The following SHISA9 variants were observed in gnomAD, a reference collection of about 807,000 sequenced individuals.
SHISA9 encodes the protein shisa family member 9.
A neutral mutation model predicts 38.0 loss-of-function variants in SHISA9; 13 were observed. The ratio of observed to expected loss-of-function variants is 0.34; its 90% confidence interval spans 0.22 to 0.54. The LOEUF (loss-of-function observed/expected upper bound fraction) is 0.54, where lower values mean the gene tolerates loss of function less well. SHISA9 is among the 20% of genes least tolerant of loss of function. The pLI, the probability that SHISA9 is intolerant of heterozygous loss-of-function variation, is 0.91. For missense variants in SHISA9, 538 were observed against 575.8 expected (o/e 0.93, Z 0.67); for synonymous variants, 275 against 242.0 (o/e 1.14, Z -1.27).
Position 12,902,523 on chromosome 16 carries a change from C to T in SHISA9, c.459C>T (p.Ile153=). The T allele has an allele frequency of 5.8e-6, 9 of 1,551,508 alleles. No individual in the cohort carries two copies. The highest frequency in any genetic ancestry group is 7.8e-6 in the Non-Finnish European group (9 of 1,146,988). The part of the protein sequence containing the change: ...HDPTKDKTNL[I]VYIICGVVAV... ...CCACCAAGGACAAGACCAACCTGAT[C>T]GTCTACATCATCTGCGGGGTGGTGG... is the stretch of plus-strand genomic sequence containing the variant. Residue 153 remains isoleucine (I), a synonymous_variant, in exon 1 of 5, where the codon ATC becomes ATT. Coordinates refer to ENST00000558583, the MANE Select transcript of SHISA9 (RefSeq NM_001145204.3).
At chr16:13,512,969 A>G in the SHISA9 span, among the ~76,000 whole-genome samples, 1 of 152,320 alleles carries the variant, frequency 6.6e-6, no homozygotes, top group African/African-American at 2.4e-5. Flanking sequence ...CATAATGAAA[A>G]CACCAAAAGC....
chr16:12,941,304 T>G (rs943394688), intron 2 of SHISA9, among the ~76,000 whole-genome samples: 32 of 152,198 alleles, frequency 2.1e-4, no homozygotes, highest in African/African-American at 6.8e-4. Context: ...TAAGCCAAGA[T>G]CATGCCACTG....
intron 2 of SHISA9, among the ~76,000 whole-genome samples, chr16:12,924,269 G>A (rs1161512459): frequency 6.6e-6 from 1 of 152,060 alleles, no homozygotes; most frequent in Non-Finnish European, 1.5e-5. Context: ...GGGTGGGCAG[G>A]GATGCATTTG....
At chr16:13,077,953 A>G (rs1009193427) in intron 2 of SHISA9, among the ~76,000 whole-genome samples, 3 of 152,210 alleles carry the variant, frequency 2.0e-5, no homozygotes, top group Non-Finnish European at 2.9e-5. Context: ...AATATGGCAA[A>G]CAAGTAAAAA....
At position 13,239,203 on chromosome 16, in the gene SHISA9, A is replaced by G. The variant is rs999311114; in HGVS notation, c.*3794A>G. 1 of 151,680 alleles carries G rather than the reference A, an allele frequency of 6.6e-6. No individual in the cohort carries two copies. The highest frequency in any genetic ancestry group is 2.4e-5 in the African/African-American group (1 of 41,240). 9.4% of individuals were successfully genotyped at this position (151,680 alleles called of 1,614,324 possible). On this transcript the variant is annotated 3_prime_UTR_variant, in exon 5 of 5. Coordinates refer to ENST00000558583, the MANE Select transcript of SHISA9 (RefSeq NM_001145204.3). ...ATGGCTGCATAGTATTCCATGGTGT[A>G]TATGTGCCACATTTTCTTAATCCAG...
At chr16:13,506,997 T>C in the SHISA9 span, among the ~76,000 whole-genome samples, 3 of 151,968 alleles carry the variant, frequency 2.0e-5, no homozygotes, top group Non-Finnish European at 2.9e-5. Context: ...GAGCTATGAT[T>C]GTACCACTGC....
At chr16:13,255,427 T>C in the SHISA9 span, among the ~76,000 whole-genome samples, 1 of 152,230 alleles carries the variant, frequency 6.6e-6, no homozygotes, top group Non-Finnish European at 1.5e-5. Flanking sequence ...GTGTGTGTCT[T>C]TCTCTTTCAT....
the SHISA9 span, among the ~76,000 whole-genome samples, chr16:13,381,114 T>A: frequency 2.0e-5 from 3 of 152,020 alleles, no homozygotes; most frequent in African/African-American, 7.2e-5. Flanking sequence ...ATAGAAATAA[T>A]AAGTTTTCTA....
Position 12,942,574 on chromosome 16 carries a change from C to T in SHISA9, c.691+25759C>T, listed in dbSNP as rs555889705. Reference sequence around the variant, plus strand: ...GCATCCTCCATATCTCCCAGTAGTTCCTTGTATAATGCCTATTGTGCTTTG... The same window carrying T: ...GCATCCTCCATATCTCCCAGTAGTTTCTTGTATAATGCCTATTGTGCTTTG... On this transcript the variant is annotated intron_variant, in intron 2 of 4. Coordinates refer to ENST00000558583, the MANE Select transcript of SHISA9 (RefSeq NM_001145204.3). Among the ~76,000 whole-genome samples, 3 of 152,328 alleles carry T rather than the reference C, an allele frequency of 2.0e-5. No individual in the cohort carries two copies. In the South Asian group the frequency reaches 6.2e-4, roughly 32 times the overall value.
At chr16:13,156,535 C>T (rs2050548693) in intron 2 of SHISA9, among the ~76,000 whole-genome samples, 2 of 151,932 alleles carry the variant, frequency 1.3e-5, no homozygotes, top group Non-Finnish European at 2.9e-5. Flanking sequence ...GAGATCGAGA[C>T]CATCTTGGCT....
intron 2 of SHISA9, among the ~76,000 whole-genome samples, chr16:13,113,755 A>G (rs549044442): frequency 6.6e-6 from 1 of 152,282 alleles, no homozygotes; most frequent in African/African-American, 2.4e-5. Flanking sequence ...CTTGGCACCC[A>G]TGGAGGAGAA....
chr16:13,230,110 G>A (rs1052968245), intron 4 of SHISA9, among the ~76,000 whole-genome samples: 2 of 152,194 alleles, frequency 1.3e-5, no homozygotes, highest in Non-Finnish European at 2.9e-5. Flanking sequence ...GGTGGAAGAA[G>A]GAAAGAGAGG....
At chr16:13,068,916 G>A (rs1312456677) in intron 2 of SHISA9, among the ~76,000 whole-genome samples, 2 of 152,080 alleles carry the variant, frequency 1.3e-5, no homozygotes, top group African/African-American at 4.8e-5. Flanking sequence ...GTGTGTATGT[G>A]TATACGTGTG....
the SHISA9 span, among the ~76,000 whole-genome samples, chr16:13,484,193 C>G: frequency 6.6e-6 from 1 of 152,140 alleles, no homozygotes; most frequent in Admixed American, 6.5e-5. Context: ...GTCACAGAAG[C>G]CTTCCATGTT....
At chr16:13,178,132 T>G (rs1240132995) in intron 2 of SHISA9, among the ~76,000 whole-genome samples, 2 of 152,210 alleles carry the variant, frequency 1.3e-5, no homozygotes, top group Non-Finnish European at 2.9e-5. Context: ...AGAACACTTG[T>G]GGGCACAGAC....
the SHISA9 span, among the ~76,000 whole-genome samples, chr16:13,330,898 C>T: frequency 1.3e-5 from 2 of 152,150 alleles, no homozygotes; most frequent in African/African-American, 4.8e-5. Flanking sequence ...TATCACTGTA[C>T]AGGTGTACAG....
In SHISA9 at chr16:13,100,796, C is replaced by T. The variant is rs1454629164; in HGVS notation, c.692-102598C>T. 2.6e-5 allele frequency among the ~76,000 whole-genome samples: 4 copies of T among 152,268 alleles called. 1 individual carries two copies. The South Asian group carries it at 8.3e-4, about 32-fold the overall frequency. ...GATCTTGGTTCACTGCAACCTCTGC[C>T]TCTCCGGTTCAAGGGATTCTCCTGC... On this transcript the variant is annotated intron_variant, in intron 2 of 4. Transcript: ENST00000558583.
chr16:12,902,542 G>C lies in SHISA9; in HGVS notation c.478G>C (p.Val160Leu). The change falls in exon 1 of 5, where the codon GTG (valine) becomes CTG (leucine). Residue 160 changes from valine to leucine, a missense_variant. Around this residue, in one of 4 missense-constraint regions of SHISA9, gnomAD observed 88 missense variants for 109.7 expected, o/e 0.80. Transcript: ENST00000558583. ...CCTGATCGTCTACATCATCTGCGGG[G>C]TGGTGGCCGTCATGGTGCTCGTGGG... ...TNLIVYIICGVVAVMVLVGIF... is the reference protein window; with the variant it reads ...TNLIVYIICGLVAVMVLVGIF... 1 of 1,551,382 alleles carries C rather than the reference G, an allele frequency of 6.4e-7. No individual in the cohort carries two copies. The highest frequency in any genetic ancestry group is 8.7e-7 in the Non-Finnish European group (1 of 1,146,998).
At chr16:13,552,277 T>C in the SHISA9 span, among the ~76,000 whole-genome samples, 5 of 152,110 alleles carry the variant, frequency 3.3e-5, no homozygotes, top group African/African-American at 1.2e-4. Context: ...AGAGGGAGTC[T>C]CCCCGGTGGT....
Sources: allele counts gnomAD v4.1 joint callset (sites outside exome capture counted in the v4.1 genomes callset), GRCh38; gene constraint gnomAD v4.1.1; regional missense constraint gnomAD v4.1.1; transcripts MANE v1.5; gene names NCBI Gene and HGNC (gene_info 2026-07-23, HGNC 2026-07-21).